LRRC4C: variants seen among roughly 807,000 people sequenced by gnomAD.
The protein encoded by LRRC4C is leucine rich repeat containing 4C, also known as leucine-rich repeat-containing protein 4C.
Under a neutral mutation model 33.6 loss-of-function variants are expected in LRRC4C, and 5 were observed. That is an observed-to-expected ratio of 0.15 (90% CI 0.08 to 0.31). LRRC4C has a LOEUF of 0.31. LRRC4C is among the 10% of genes least tolerant of loss of function. The pLI is 1.00. For synonymous variants in LRRC4C, 329 were observed against 302.0 expected, an observed-to-expected ratio of 1.09 and a Z score of -0.93; for missense variants, 560 against 796.7, an observed-to-expected ratio of 0.70 and a Z score of 3.58.
At chr11:40,390,392 T>C (rs1319932281) in intron 3 of LRRC4C, among the ~76,000 whole-genome samples, 1 of 152,192 alleles carries the variant, frequency 6.6e-6, no homozygotes, top group East Asian at 1.9e-4. Context: ...CAGAATATCT[T>C]AAACTTAACT....
At chr11:41,385,722 G>T (rs1953335868) in intron 1 of LRRC4C, among the ~76,000 whole-genome samples, 1 of 151,206 alleles carries the variant, frequency 6.6e-6, no homozygotes, top group African/African-American at 2.4e-5. Context: ...TAATATAAAA[G>T]AAAGTTAAAA....
chr11:41,391,477 T>C (rs1010126058), intron 1 of LRRC4C, among the ~76,000 whole-genome samples: 2 of 151,794 alleles, frequency 1.3e-5, no homozygotes, highest in African/African-American at 4.8e-5. Flanking sequence ...ATGAAATGAG[T>C]AATTCTACAA....
chr11:40,719,125 TA>T (rs1325257740), intron 2 of LRRC4C, among the ~76,000 whole-genome samples: 2 of 152,188 alleles, frequency 1.3e-5, no homozygotes, highest in African/African-American at 4.8e-5. Flanking sequence ...GAAGCTATTT[TA>T]AAAAGGGCAG....
rs182312239 is a variant in LRRC4C at position 40,525,451 on chromosome 11, A to T, written c.-270+122691T>A. On this transcript the variant is annotated intron_variant, in intron 3 of 6. Coordinates refer to ENST00000528697, the MANE Select transcript of LRRC4C (RefSeq NM_001258419.2). ...ACAGAGAGAGACTTTGTCTCAAAGAAAAAAGAAATGGCAGGGGGTGGCTGG... is the reference window on the plus strand; with the variant it reads ...ACAGAGAGAGACTTTGTCTCAAAGATAAAAGAAATGGCAGGGGGTGGCTGG... 4.7e-3 allele frequency among the ~76,000 whole-genome samples: 722 copies of T among 152,244 alleles called. 5 individuals are homozygous for T. Among genetic ancestry groups the T allele is most frequent in the African/African-American group, 0.017 (689 of 41,538 alleles).
At chr11:41,354,750 T>C (rs1045833471) in intron 1 of LRRC4C, among the ~76,000 whole-genome samples, 5 of 152,006 alleles carry the variant, frequency 3.3e-5, no homozygotes, top group Non-Finnish European at 5.9e-5. Flanking sequence ...TAATAAGCAA[T>C]GGGGAAAGGA....
At chr11:40,441,221 T>C (rs1298669474) in intron 3 of LRRC4C, among the ~76,000 whole-genome samples, 1 of 152,180 alleles carries the variant, frequency 6.6e-6, no homozygotes, top group African/African-American at 2.4e-5. Flanking sequence ...AAGGCTCCTG[T>C]TGGGTCACTG....
At chr11:40,694,631 A>T (rs1945399343) in intron 2 of LRRC4C, among the ~76,000 whole-genome samples, 1 of 152,080 alleles carries the variant, frequency 6.6e-6, no homozygotes, top group Non-Finnish European at 1.5e-5. Flanking sequence ...ACATTACAGA[A>T]CTCAAGTTCC....
intron 1 of LRRC4C, among the ~76,000 whole-genome samples, chr11:41,085,903 G>C (rs1224142805): frequency 8.1e-6 from 1 of 123,482 alleles, no homozygotes; most frequent in African/African-American, 3.1e-5. Flanking sequence ...GAAGGAAAGG[G>C]ATTCATAAGT....
intron 4 of LRRC4C, among the ~76,000 whole-genome samples, chr11:40,286,236 A>C (rs1943828592): frequency 6.6e-6 from 1 of 152,182 alleles, no homozygotes; most frequent in Non-Finnish European, 1.5e-5. Context: ...TTATAACAAC[A>C]TACTGTAATA....
At chr11:41,184,867 G>T (rs1945620714) in intron 1 of LRRC4C, among the ~76,000 whole-genome samples, 1 of 151,786 alleles carries the variant, frequency 6.6e-6, no homozygotes, top group Non-Finnish European at 1.5e-5. Context: ...CATGGCTGGG[G>T]AGGCCTCACA....
chr11:40,786,612 C>G (rs926389154), intron 2 of LRRC4C, among the ~76,000 whole-genome samples: 1 of 152,080 alleles, frequency 6.6e-6, no homozygotes, highest in Non-Finnish European at 1.5e-5. Flanking sequence ...GGATTCTTTC[C>G]TGAATAAAAG....
At chr11:41,237,787 T>C (rs1948086324) in intron 1 of LRRC4C, among the ~76,000 whole-genome samples, 1 of 152,148 alleles carries the variant, frequency 6.6e-6, no homozygotes, top group African/African-American at 2.4e-5. Flanking sequence ...AGCTTTCAAT[T>C]TTTTTTCACT....
chr11:41,438,568 T>TC (rs1254935662), intron 1 of LRRC4C, among the ~76,000 whole-genome samples: 1 of 152,120 alleles, frequency 6.6e-6, no homozygotes, highest in Non-Finnish European at 1.5e-5. Flanking sequence ...GGGTATACTA[T>TC]CCCTGGAGCC....
intron 1 of LRRC4C, among the ~76,000 whole-genome samples, chr11:41,022,408 A>C (rs933510875): frequency 1.3e-5 from 2 of 151,922 alleles, no homozygotes; most frequent in African/African-American, 4.8e-5. Context: ...TAGGGTAAGC[A>C]AGGAGATTTG....
At chr11:41,010,266 T>C (rs1015029662) in intron 1 of LRRC4C, among the ~76,000 whole-genome samples, 5 of 152,200 alleles carry the variant, frequency 3.3e-5, no homozygotes, top group African/African-American at 1.2e-4. Flanking sequence ...ATCCAGTTGA[T>C]ACTTGTTAGT....
chr11:40,471,080 T>C (rs1214617242), intron 3 of LRRC4C, among the ~76,000 whole-genome samples: 1 of 152,010 alleles, frequency 6.6e-6, no homozygotes, highest in Non-Finnish European at 1.5e-5. Context: ...AGACACATAA[T>C]TGTCAGGTTC....
intron 1 of LRRC4C, among the ~76,000 whole-genome samples, chr11:41,113,981 C>G (rs1941985434): frequency 6.6e-6 from 1 of 151,720 alleles, no homozygotes; most frequent in African/African-American, 2.4e-5. Flanking sequence ...TTAAAAGAGC[C>G]CATTTTCTAT....
chr11:40,226,802 C>A (rs985962612), intron 5 of LRRC4C, among the ~76,000 whole-genome samples: 1 of 152,084 alleles, frequency 6.6e-6, no homozygotes, highest in Non-Finnish European at 1.5e-5. Flanking sequence ...TAGTTTATAT[C>A]GCATATATAC....
At chr11:41,366,211 TAG>T (rs1565615728) in intron 1 of LRRC4C, among the ~76,000 whole-genome samples, 5 of 51,748 alleles carry the variant, frequency 9.7e-5, no homozygotes, top group Non-Finnish European at 1.6e-4. Flanking sequence ...GATAGATAGA[TAG>T]ATAGATAGAT....
Sources: gnomAD v4.1 joint callset for allele counts (sites outside exome capture counted in the v4.1 genomes callset) on GRCh38, gnomAD v4.1.1 for gene constraint, MANE v1.5 for transcripts, NCBI Gene and HGNC (gene_info 2026-07-23, HGNC 2026-07-21) for gene names.